Variants in RAB27A observed in about 807,000 individuals in gnomAD.
RAB27A encodes ras-related protein Rab-27A.
A neutral mutation model predicts 20.8 loss-of-function variants in RAB27A; 17 were observed. The ratio of observed to expected loss-of-function variants is 0.82; its 90% CI spans 0.56 to 1.23. RAB27A has a LOEUF of 1.23. Ranked by LOEUF, RAB27A falls within the 50% of genes most tolerant of loss-of-function variation. The pLI is 0.00. For synonymous variants in RAB27A, 85 were observed against 92.8 expected, an observed-to-expected ratio of 0.92 and a Z score of 0.48; for missense variants, 277 against 266.7, an observed-to-expected ratio of 1.04 and a Z score of -0.27.
chr15:55,274,454 C>A (rs28806626), intron 1 of RAB27A, among the ~76,000 whole-genome samples: 22,246 of 151,820 alleles, frequency 0.15, 1,757 homozygotes, highest in African/African-American at 0.19. Context: ...ATGAATAAAA[C>A]TAAGACTGTT....
intron 6 of RAB27A, among the ~76,000 whole-genome samples, chr15:55,214,525 A>C (rs1017176993): frequency 2.0e-5 from 3 of 152,246 alleles, no homozygotes; most frequent in Non-Finnish European, 4.4e-5. Context: ...TGCAAGGCAG[A>C]GTTGCTCCCC....
At chr15:55,206,492 C>T (rs1386295184) in intron 6 of RAB27A, among the ~76,000 whole-genome samples, 4 of 152,022 alleles carry the variant, frequency 2.6e-5, no homozygotes, top group Admixed American at 2.6e-4. Context: ...CAGGCGCACA[C>T]CACCACACCT....
intron 5 of RAB27A, among the ~76,000 whole-genome samples, chr15:55,224,267 G>A (rs1046319343): frequency 6.6e-6 from 1 of 152,224 alleles, no homozygotes; most frequent in Non-Finnish European, 1.5e-5. Context: ...CCTCTCAAGT[G>A]TGAGGGCCCA....
intron 2 of RAB27A, among the ~76,000 whole-genome samples, chr15:55,252,174 T>G (rs1009714799): frequency 1.3e-4 from 20 of 152,084 alleles, no homozygotes; most frequent in African/African-American, 4.8e-4. Flanking sequence ...GACAACACAG[T>G]TCATTAGAGC....
intron 2 of RAB27A, among the ~76,000 whole-genome samples, chr15:55,240,186 A>T (rs1332040364): frequency 6.6e-6 from 1 of 152,228 alleles, no homozygotes. Flanking sequence ...CCTCAAATAC[A>T]GAAATCTAAT....
chr15:55,249,021 T>C (rs756810913), intron 2 of RAB27A: 2 of 152,216 alleles, frequency 1.3e-5, no homozygotes, highest in Non-Finnish European at 2.9e-5. Flanking sequence ...TCACCTATTA[T>C]TCAGTATGCA....
chr15:55,307,187 C>T (rs759069820), intron 2 of RAB27A, among the ~76,000 whole-genome samples: 1 of 151,888 alleles, frequency 6.6e-6, no homozygotes, highest in Admixed American at 6.6e-5. Context: ...TCCCTCCTCT[C>T]GGGGACAGGC....
At position 55,243,626 on chromosome 15, in the gene RAB27A, CA is replaced by C. The variant is rs397948720; in HGVS notation, c.-22-8671del. Among the ~76,000 whole-genome samples, 120 of 138,084 alleles carry C rather than the reference CA, an allele frequency of 8.7e-4. 1 individual carries two copies. The highest frequency in any genetic ancestry group is 6.1e-3 in the South Asian group (26 of 4,280). The allele number at this position is 138,084 out of a possible 152,430, so 90.6% of individuals were successfully genotyped here. A position where few individuals can be genotyped will look rare whatever the true frequency, so the allele number is the denominator to read the frequency against. ...TGGGCGACACAGCGAGACTCTATCT[CA>C]AAAAAAAAAAAACATTATTTTCTCT... On this transcript the variant is annotated intron_variant, in intron 2 of 6. Transcript: ENST00000336787.
intron 1 of RAB27A, among the ~76,000 whole-genome samples, chr15:55,279,715 C>G (rs1030234567): frequency 6.6e-6 from 1 of 152,206 alleles, no homozygotes; most frequent in African/African-American, 2.4e-5. Context: ...AGTCCATTCC[C>G]TCGCTTGTGT....
At chr15:55,232,534 G>T (rs533624977) in intron 3 of RAB27A, among the ~76,000 whole-genome samples, 1 of 152,204 alleles carries the variant, frequency 6.6e-6, no homozygotes, top group South Asian at 2.1e-4. Flanking sequence ...ATTAGACAAA[G>T]ACTTTACATC....
At chr15:55,232,178 A>C (rs1295370466) in intron 3 of RAB27A, among the ~76,000 whole-genome samples, 2 of 152,214 alleles carry the variant, frequency 1.3e-5, no homozygotes, top group Non-Finnish European at 2.9e-5. Flanking sequence ...AAGCTAAGAG[A>C]CTTATTAGTT....
At chr15:55,253,900 T>A (rs1300122275) in intron 2 of RAB27A, among the ~76,000 whole-genome samples, 1 of 152,202 alleles carries the variant, frequency 6.6e-6, no homozygotes, top group Admixed American at 6.5e-5. Context: ...GATGTAAGTA[T>A]CCACGTGTTT....
At chr15:55,218,710 T>G (rs1009221799) in intron 6 of RAB27A, among the ~76,000 whole-genome samples, 1 of 152,088 alleles carries the variant, frequency 6.6e-6, no homozygotes, top group African/African-American at 2.4e-5. Context: ...ACACAAAATA[T>G]GTACATTCAG....
chr15:55,225,028 G>A (rs145141576), intron 5 of RAB27A, among the ~76,000 whole-genome samples: 1 of 152,306 alleles, frequency 6.6e-6, no homozygotes, highest in East Asian at 1.9e-4. Context: ...AAGACCTACA[G>A]AGGACAGACT....
intron 2 of RAB27A, among the ~76,000 whole-genome samples, chr15:55,239,065 A>G (rs1896378705): frequency 6.6e-6 from 1 of 152,168 alleles, no homozygotes; most frequent in Non-Finnish European, 1.5e-5. Flanking sequence ...TAGTTCCAAT[A>G]GGCTCTGACT....
At chr15:55,221,693 C>T (rs1895578625) in intron 6 of RAB27A, among the ~76,000 whole-genome samples, 1 of 152,096 alleles carries the variant, frequency 6.6e-6, no homozygotes, top group Admixed American at 6.5e-5. Flanking sequence ...GATTTGGGGG[C>T]AATTTTGGGG....
intron 2 of RAB27A, among the ~76,000 whole-genome samples, chr15:55,268,321 T>A (rs1228124050): frequency 6.6e-6 from 1 of 152,226 alleles, no homozygotes; most frequent in Non-Finnish European, 1.5e-5. Flanking sequence ...CACACTGGAA[T>A]GGAAGCCAGG....
chr15:55,226,526 T>C (rs1484644326), intron 5 of RAB27A, among the ~76,000 whole-genome samples: 1 of 152,028 alleles, frequency 6.6e-6, no homozygotes, highest in East Asian at 1.9e-4. Flanking sequence ...TGTGTGTGTG[T>C]GTGTGTGTGA....
In RAB27A at chr15:55,223,929, C is replaced by T. The variant is rs1895691727; in HGVS notation, c.427G>A (p.Val143Met). The change falls in exon 6 of 7, where the codon GTG (valine) becomes ATG (methionine). Residue 143 changes from valine to methionine, a missense_variant. Coordinates refer to ENST00000336787, the MANE Select transcript of RAB27A (RefSeq NM_183235.3). ...AGTGCTATGGCTTCCTCCTCTTTCA[C>T]TACTCTCTGGTCCTCCAGATCACTC... ...NKSDLEDQRV[V>M]KEEEAIALAE... 1.2e-6 allele frequency: 2 copies of T among 1,613,978 alleles called. No individual in the cohort carries two copies. Among genetic ancestry groups the T allele is most frequent in the Admixed American group, 1.7e-5 (1 of 60,026 alleles).
Sources: gnomAD v4.1 joint callset for allele counts (sites outside exome capture counted in the v4.1 genomes callset) on GRCh38, gnomAD v4.1.1 for gene constraint, MANE v1.5 for transcripts, NCBI Gene and HGNC (gene_info 2026-07-23, HGNC 2026-07-21) for gene names.